Variants in TNFSF4 observed in about 807,000 individuals in gnomAD.
TNFSF4 encodes tumor necrosis factor ligand superfamily member 4.
TNFSF4 carries 4 observed loss-of-function variants against 7.3 expected under a neutral mutation model. That is an observed-to-expected ratio of 0.55 (90% CI 0.27 to 1.25). TNFSF4 has a LOEUF of 1.25. Ranked by LOEUF, TNFSF4 falls within the 50% of genes most tolerant of loss-of-function variation. The pLI, the probability that TNFSF4 is intolerant of heterozygous loss-of-function variation, is 0.12. For missense variants in TNFSF4, 181 were observed against 208.8 expected, an observed-to-expected ratio of 0.87 and a Z score of 0.82; for synonymous variants, 76 against 83.7, an observed-to-expected ratio of 0.91 and a Z score of 0.50.
chr1:173,206,262 G>A (rs974434806), intron 1 of TNFSF4, among the ~76,000 whole-genome samples: 5 of 152,076 alleles, frequency 3.3e-5, no homozygotes, highest in African/African-American at 1.2e-4. Flanking sequence ...ACCTAATAAT[G>A]TTTGTATATC....
the TNFSF4 span, among the ~76,000 whole-genome samples, chr1:173,388,112 A>G: frequency 6.6e-6 from 1 of 152,248 alleles, no homozygotes; most frequent in Admixed American, 6.5e-5. Flanking sequence ...AGAATTCTTG[A>G]CACACTGCCT....
the TNFSF4 span, among the ~76,000 whole-genome samples, chr1:173,400,908 T>G: frequency 6.6e-6 from 1 of 152,200 alleles, no homozygotes; most frequent in Non-Finnish European, 1.5e-5. Context: ...TAAGTAGTGA[T>G]AGAAAGTAGT....
chr1:173,332,640 G>A, the TNFSF4 span, among the ~76,000 whole-genome samples: 8 of 152,248 alleles, frequency 5.3e-5, no homozygotes, highest in Non-Finnish European at 8.8e-5. Flanking sequence ...TGGATCACGA[G>A]GTCAGGAGTT....
At chr1:173,337,007 C>T in the TNFSF4 span, among the ~76,000 whole-genome samples, 1 of 151,992 alleles carries the variant, frequency 6.6e-6, no homozygotes, top group African/African-American at 2.4e-5. Flanking sequence ...TTGAGTGGGG[C>T]TCCAAAAAAG....
chr1:173,201,662 C>T (rs1649948037), intron 1 of TNFSF4, among the ~76,000 whole-genome samples: 2 of 152,096 alleles, frequency 1.3e-5, no homozygotes, highest in African/African-American at 4.8e-5. Flanking sequence ...GGTTCCTGGC[C>T]CAGGGCACTC....
At chr1:173,429,568 A>G in the TNFSF4 span, among the ~76,000 whole-genome samples, 3 of 152,200 alleles carry the variant, frequency 2.0e-5, no homozygotes, top group African/African-American at 7.2e-5. Flanking sequence ...TCCTCAAGAG[A>G]CAGATCCAAG....
chr1:173,333,027 T>C, the TNFSF4 span, among the ~76,000 whole-genome samples: 1 of 152,196 alleles, frequency 6.6e-6, no homozygotes, highest in Non-Finnish European at 1.5e-5. Context: ...CAGACAATTC[T>C]GTTCATTCAA....
the TNFSF4 span, among the ~76,000 whole-genome samples, chr1:173,238,504 T>G: frequency 6.7e-6 from 1 of 149,264 alleles, no homozygotes; most frequent in Non-Finnish European, 1.5e-5. Flanking sequence ...CTGCAAACTC[T>G]ACATCTGACA....
the TNFSF4 span, among the ~76,000 whole-genome samples, chr1:173,233,219 A>C: frequency 1.3e-5 from 2 of 152,360 alleles, no homozygotes; most frequent in East Asian, 3.9e-4. Context: ...AACTGGAAGA[A>C]AGGCGATCAG....
rs901805769 is a variant in TNFSF4, at chr1:173,187,731, G to C, written c.202+790C>G. 3.3e-5 allele frequency among the ~76,000 whole-genome samples: 5 copies of C among 152,196 alleles called. No individual in the cohort carries two copies. The South Asian group carries it at 1.0e-3, about 31-fold the overall frequency. ...AGGCAGTGATAGACTTGGTTGTTTT[G>C]TGCAGGGCCATCCCAAGTGCAAGCC... On this transcript the variant is annotated intron_variant, in intron 2 of 2. Transcript: ENST00000281834.
At chr1:173,442,801 G>A in the TNFSF4 span, among the ~76,000 whole-genome samples, 8 of 151,486 alleles carry the variant, frequency 5.3e-5, no homozygotes, top group Non-Finnish European at 7.4e-5. Flanking sequence ...TGCTCGCCTC[G>A]GCCTCCCAAA....
At chr1:173,398,983 C>A in the TNFSF4 span, among the ~76,000 whole-genome samples, 32 of 152,166 alleles carry the variant, frequency 2.1e-4, 1 homozygote, top group Admixed American at 6.5e-4. Flanking sequence ...AAGCTCTCGG[C>A]CTCCTACTGA....
chr1:173,253,324 A>T, the TNFSF4 span, among the ~76,000 whole-genome samples: 1 of 152,230 alleles, frequency 6.6e-6, no homozygotes, highest in Non-Finnish European at 1.5e-5. Context: ...CTTAGAATAG[A>T]ATACAAAAGG....
the TNFSF4 span, among the ~76,000 whole-genome samples, chr1:173,267,845 G>A: frequency 6.6e-6 from 1 of 151,758 alleles, no homozygotes; most frequent in African/African-American, 2.4e-5. Flanking sequence ...GGAAAGGAGA[G>A]CAGAGGAGAG....
At chr1:173,274,124 TACACAC>T in the TNFSF4 span, among the ~76,000 whole-genome samples, 697 of 145,514 alleles carry the variant, frequency 4.8e-3, 6 homozygotes, top group Non-Finnish European at 7.2e-3. Flanking sequence ...TCCATGTTCA[TACACAC>T]ACACACACAC....
chr1:173,380,608 G>T, the TNFSF4 span, among the ~76,000 whole-genome samples: 1 of 152,002 alleles, frequency 6.6e-6, no homozygotes, highest in Non-Finnish European at 1.5e-5. Flanking sequence ...ATTCACCCCT[G>T]GGACACCCTG....
the TNFSF4 span, among the ~76,000 whole-genome samples, chr1:173,235,370 A>G: frequency 6.6e-6 from 1 of 152,176 alleles, no homozygotes; most frequent in East Asian, 1.9e-4. Context: ...AGGCCACCAC[A>G]CATGAGCTGA....
At chr1:173,443,927 A>C in the TNFSF4 span, among the ~76,000 whole-genome samples, 2 of 152,050 alleles carry the variant, frequency 1.3e-5, no homozygotes, top group African/African-American at 2.4e-5. Flanking sequence ...CCCCTTTCCA[A>C]CTCTTGTTTT....
At chr1:173,250,516 G>A in the TNFSF4 span, among the ~76,000 whole-genome samples, 1 of 150,568 alleles carries the variant, frequency 6.6e-6, no homozygotes, top group Non-Finnish European at 1.5e-5. Flanking sequence ...CTGGAGTGCA[G>A]TGGCGCCATC....
Sources: gnomAD v4.1 joint callset for allele counts (sites outside exome capture counted in the v4.1 genomes callset) on GRCh38, gnomAD v4.1.1 for gene constraint, MANE v1.5 for transcripts, NCBI Gene and HGNC (gene_info 2026-07-23, HGNC 2026-07-21) for gene names.